Variants in UFSP2 observed in about 807,000 individuals in gnomAD.
The protein encoded by UFSP2 is UFM1 specific peptidase 2.
A neutral mutation model predicts 60.2 loss-of-function variants in UFSP2; 43 were observed. The ratio of observed to expected loss-of-function variants is 0.71; its 90% CI spans 0.56 to 0.92. UFSP2 has a LOEUF of 0.92. Among genes scored for constraint, UFSP2 ranks in the 40% least tolerant of loss-of-function variants. UFSP2 has a pLI of 0.00. For missense variants in UFSP2, 520 were observed against 575.0 expected (o/e 0.90, Z 0.98); for synonymous variants, 183 against 195.1 (o/e 0.94, Z 0.52).
intron 4 of UFSP2, among the ~76,000 whole-genome samples, chr4:185,418,086 T>C (rs1580075681): frequency 3.0e-5 from 1 of 33,352 alleles, no homozygotes; most frequent in Non-Finnish European, 6.5e-5. Flanking sequence ...GAACCAAGAG[T>C]AGTGTGAAGA....
intron 11 of UFSP2, among the ~76,000 whole-genome samples, chr4:185,402,703 TG>T (rs1263790762): frequency 2.0e-5 from 3 of 152,212 alleles, no homozygotes; most frequent in African/African-American, 7.2e-5. Context: ...CTCGAATTCC[TG>T]ATCTCAGGTG....
intron 11 of UFSP2, 45 bp from the exon 12 acceptor site, chr4:185,400,523 A>G (rs1345873500): frequency 6.2e-6 from 9 of 1,443,464 alleles, no homozygotes; most frequent in Non-Finnish European, 3.9e-6. Context: ...CAAAGTTACA[A>G]GATTATGTCA....
At chr4:185,413,605 G>T in intron 7 of UFSP2, 121 bp downstream of exon 7, 1 of 990,944 alleles carries the variant, frequency 1.0e-6, no homozygotes, top group Non-Finnish European at 1.4e-6. Context: ...ACAGAGATGG[G>T]TGATAAATCA....
chr4:185,402,116 T>G (rs982700409), intron 11 of UFSP2: 1 of 287,254 alleles, frequency 3.5e-6, no homozygotes, highest in African/African-American at 2.2e-5. Context: ...ATTTTTTTTT[T>G]CTCGAGAGTC....
chr4:185,418,095 G>A (rs1000694847), intron 4 of UFSP2, among the ~76,000 whole-genome samples: 1 of 89,444 alleles, frequency 1.1e-5, no homozygotes, highest in African/African-American at 4.6e-5. Context: ...GTAGTGTGAA[G>A]AAAAATAAAT....
At chr4:185,404,436 C>T (rs889350185) in intron 10 of UFSP2, among the ~76,000 whole-genome samples, 2 of 151,108 alleles carry the variant, frequency 1.3e-5, no homozygotes, top group Admixed American at 1.3e-4. Context: ...GCTGAGACTA[C>T]AGGCGCACAC....
At chr4:185,423,135 A>G (rs1421025392) in intron 1 of UFSP2, among the ~76,000 whole-genome samples, 1 of 152,234 alleles carries the variant, frequency 6.6e-6, no homozygotes, top group African/African-American at 2.4e-5. Flanking sequence ...CTGGGATTGC[A>G]GGCGTGAGCC....
At chr4:185,403,279 G>A (rs1213620153) in intron 11 of UFSP2, among the ~76,000 whole-genome samples, 1 of 152,196 alleles carries the variant, frequency 6.6e-6, no homozygotes, top group Non-Finnish European at 1.5e-5. Context: ...TAATAGCTGA[G>A]AAAGTTTCTA....
chr4:185,407,217 A>AT (rs1273497077), intron 9 of UFSP2, among the ~76,000 whole-genome samples: 2 of 150,302 alleles, frequency 1.3e-5, no homozygotes, highest in Non-Finnish European at 3.0e-5. Flanking sequence ...TACCCAGCTA[A>AT]TTTTTTTTGT....
Position 185,408,347 on chromosome 4 carries a change from A to G in UFSP2, c.920T>C (p.Leu307Pro). 6.2e-7 allele frequency: 1 copy of G among 1,614,218 alleles called. No homozygotes were observed. The highest frequency in any genetic ancestry group is 1.3e-5 in the African/African-American group (1 of 75,072). Residue 307 changes from leucine (L) to proline (P), a missense_variant, in exon 8 of 12, where the codon CTG becomes CCG. Physicochemically the swap from Leu to Pro is moderately conservative, Grantham distance 98. Coordinates refer to ENST00000264689, the MANE Select transcript of UFSP2 (RefSeq NM_018359.5). Reference protein sequence around the residue: ...DNGWGCAYRSLQTICSWFKHQ... With the variant: ...DNGWGCAYRSPQTICSWFKHQ... The stretch of plus-strand genomic sequence containing the variant: ...TTTGAACCAAGAGCAGATAGTCTGC[A>G]GAGATCGATAAGCACAGCCCCAGCC...
At chr4:185,420,719 A>G (rs2095547899) in intron 2 of UFSP2, among the ~76,000 whole-genome samples, 1 of 152,238 alleles carries the variant, frequency 6.6e-6, no homozygotes, top group African/African-American at 2.4e-5. Context: ...GTTACCTAAA[A>G]AAAACTGTGA....
At chr4:185,420,275 A>C (rs772043590) in intron 2 of UFSP2, among the ~76,000 whole-genome samples, 4 of 152,188 alleles carry the variant, frequency 2.6e-5, no homozygotes, top group Non-Finnish European at 5.9e-5. Context: ...CTTTTTAAAA[A>C]ATATGTTTGA....
rs572899775 is a variant in UFSP2 at position 185,405,686 on chromosome 4, A to T, written c.1198+94T>A. 2.1e-5 allele frequency: 30 copies of T among 1,408,448 alleles called. No homozygotes were observed. In the South Asian group the frequency reaches 3.7e-4, roughly 18 times the overall value. The allele number at this position is 1,408,448 out of a possible 1,614,324, so 87.2% of individuals were successfully genotyped here. A position where few individuals can be genotyped will look rare whatever the true frequency, so the allele number is the denominator to read the frequency against. ...GTAAAAGTTAATTTCAAAATTTTTT[A>T]AATGACTGATTTTATGCAACATTAA... On this transcript the variant is annotated intron_variant, in intron 10 of 11. Transcript: ENST00000264689.
intron 7 of UFSP2, among the ~76,000 whole-genome samples, chr4:185,409,183 A>C (rs1482221351): frequency 1.3e-5 from 2 of 152,232 alleles, no homozygotes; most frequent in African/African-American, 4.8e-5. Context: ...ATCATGGGAC[A>C]CAGGAAGAAT....
intron 5 of UFSP2, 80 bp from the exon 6 acceptor site, chr4:185,415,427 T>G: frequency 7.8e-7 from 1 of 1,276,910 alleles, no homozygotes; most frequent in Non-Finnish European, 1.1e-6. Flanking sequence ...AATATATCCT[T>G]AGTATAGTAA....
At chr4:185,419,552 C>T (rs752210159) in intron 2 of UFSP2, among the ~76,000 whole-genome samples, 14 of 152,228 alleles carry the variant, frequency 9.2e-5, no homozygotes, top group Non-Finnish European at 1.9e-4. Context: ...CAGTTTTTAT[C>T]TCTCATCCAG....
At chr4:185,420,364 G>A (rs2095547179) in intron 2 of UFSP2, among the ~76,000 whole-genome samples, 1 of 152,018 alleles carries the variant, frequency 6.6e-6, no homozygotes, top group Non-Finnish European at 1.5e-5. Flanking sequence ...CGTTTCCAAA[G>A]TCAAAACAAT....
rs919853517 is a variant in UFSP2 at position 185,405,749 on chromosome 4, T to G, written c.1198+31A>C. ...ATGATAAGTTTTGCATATTACTCAC[T>G]CTACCAAAAACAGTGTCTGAAACAG... On this transcript the variant is annotated intron_variant, in intron 10 of 11. Transcript: ENST00000264689. The G allele has an allele frequency of 2.5e-6, 4 of 1,604,470 alleles. No individual in the cohort carries two copies. In the Admixed American group the frequency reaches 6.7e-5, roughly 27 times the overall value.
chr4:185,413,781 C>A lies in UFSP2; in HGVS notation c.776G>T (p.Gly259Val). ...YHFPDEPYKDGYIRNPHTYLN... is the reference protein window; with the variant it reads ...YHFPDEPYKDVYIRNPHTYLN... Reference sequence around the variant, plus strand: ...GTAAGTATGTGGATTTCTAATGTAACCATCTTTGTATGGCTCATCTGGAAA... The same window carrying A: ...GTAAGTATGTGGATTTCTAATGTAAACATCTTTGTATGGCTCATCTGGAAA... Residue 259 changes from glycine to valine, a missense_variant, in exon 7 of 12, where the codon GGT (glycine) becomes GTT (valine). By Grantham distance (109) the Gly-to-Val change is moderately radical. Coordinates refer to ENST00000264689, the MANE Select transcript of UFSP2 (RefSeq NM_018359.5). 6.2e-7 allele frequency: 1 copy of A among 1,613,522 alleles called. No homozygotes were observed. Among genetic ancestry groups the A allele is most frequent in the Non-Finnish European group, 8.5e-7 (1 of 1,179,708 alleles).
Sources: allele counts gnomAD v4.1 joint callset (sites outside exome capture counted in the v4.1 genomes callset), GRCh38; gene constraint gnomAD v4.1.1; transcripts MANE v1.5; gene names NCBI Gene and HGNC (gene_info 2026-07-23, HGNC 2026-07-21).